Variants in SSB observed in about 807,000 individuals in gnomAD.
SSB encodes small RNA binding exonuclease protection factor La.
A neutral mutation model predicts 52.9 loss-of-function variants in SSB; 17 were observed. The observed-to-expected ratio is 0.32, with a 90% CI of 0.22 to 0.48. The LOEUF (loss-of-function observed/expected upper bound fraction) is 0.48, where lower values mean the gene tolerates loss of function less well. Among genes scored for constraint, SSB ranks in the 20% least tolerant of loss-of-function variants. The probability of loss-of-function intolerance (pLI) is 0.99; values close to 1 mark genes in which losing one functional copy is unlikely to be tolerated. For synonymous variants in SSB, 111 were observed against 152.1 expected (o/e 0.73, Z 1.99); for missense variants, 314 against 463.6 (o/e 0.68, Z 2.96).
chr2:169,806,642 C>G (rs1202546300), intron 4 of SSB, 143 bp from the exon 5 acceptor site: 2 of 632,926 alleles, frequency 3.2e-6, no homozygotes. Flanking sequence ...CTAAACAAGG[C>G]TGTTAAGTGA....
chr2:169,800,200 G>T (rs1689678579), intron 1 of SSB, among the ~76,000 whole-genome samples: 1 of 152,152 alleles, frequency 6.6e-6, no homozygotes, highest in Non-Finnish European at 1.5e-5. Flanking sequence ...GTCTAACTTG[G>T]TAACAAGGTT....
chr2:169,806,940 C>CATAAAATATATGGGACA (rs766140838), intron 5 of SSB, 31 bp from the exon 6 acceptor site: 2 of 1,609,652 alleles, frequency 1.2e-6, no homozygotes, highest in Non-Finnish European at 1.7e-6. Context: ...TGGGACATAA[C>CATAAAATATATGGGACA]TTAAAAAAAT....
Position 169,807,245 on chromosome 2 carries a change from G to GA in SSB, c.554+178dup, listed in dbSNP as rs1448710016. Among the ~76,000 whole-genome samples, 3 of 152,062 alleles carry GA rather than the reference G, an allele frequency of 2.0e-5. No individual in the cohort carries two copies. The East Asian group carries it at 5.8e-4, about 29-fold the overall frequency. ...GAACTATAGTCTTTTGAGACTATAA[G>GA]AAAAGTGTTCATTAGTACCTTTTCA... On this transcript the variant is annotated intron_variant, in intron 6 of 11. Coordinates refer to ENST00000260956, the MANE Select transcript of SSB (RefSeq NM_003142.5).
At position 169,805,930 on chromosome 2, in the gene SSB, A is replaced by G. The variant is rs1351191773; in HGVS notation, c.345+91A>G. On this transcript the variant is annotated intron_variant, in intron 4 of 11. Transcript: ENST00000260956. ...AGGGCTCAGGAATCACAGCCTCACT[A>G]ATTACTGTATGTCCTTTCGTAATAT... is the stretch of plus-strand genomic sequence containing the variant. The G allele has an allele frequency of 3.4e-6, 4 of 1,185,998 alleles. No individual in the cohort carries two copies. The Admixed American group carries it at 6.2e-5, about 18-fold the overall frequency. 73.5% of individuals were successfully genotyped at this position (1,185,998 alleles called of 1,614,324 possible).
intron 1 of SSB, 91 bp from the exon 2 acceptor site, chr2:169,800,861 A>C: frequency 1.1e-6 from 1 of 920,636 alleles, no homozygotes; most frequent in South Asian, 2.4e-5. Context: ...TTTTTTAAGA[A>C]AACGGGATAT....
chr2:169,811,186 G>A lies in SSB; in HGVS notation c.1001G>A (p.Arg334His), dbSNP rs761080670. The change falls in exon 11 of 12, where the codon CGT (arginine) becomes CAT (histidine). Residue 334 changes from arginine to histidine, a missense_variant. Coordinates refer to ENST00000260956, the MANE Select transcript of SSB (RefSeq NM_003142.5). ...GTGCTCAATTGTGTCTCTACAGGTC[G>A]TAGATTTAAAGGAAAAGGAAAGGGT... ...ESLNKWKSKGRRFKGKGKGNK... is the reference protein window; with the variant it reads ...ESLNKWKSKGHRFKGKGKGNK... 1.1e-5 allele frequency: 17 copies of A among 1,608,598 alleles called. No homozygotes were observed. The highest frequency in any genetic ancestry group is 2.2e-5 in the East Asian group (1 of 44,852).
rs1314794137 is a variant in SSB, at chr2:169,808,799, T to C, written c.627-61T>C. 13 of 1,330,632 alleles carry C rather than the reference T, an allele frequency of 9.8e-6. No homozygotes were observed. In the South Asian group the frequency reaches 1.6e-4, roughly 17 times the overall value. 82.4% of individuals were successfully genotyped at this position (1,330,632 alleles called of 1,614,324 possible). A position where few individuals can be genotyped will look rare whatever the true frequency, so the allele number is the denominator to read the frequency against. On this transcript the variant is annotated intron_variant, in intron 7 of 11. Coordinates refer to ENST00000260956, the MANE Select transcript of SSB (RefSeq NM_003142.5). ...AGTGATCATGATTGGTTAACTTTATTAGGACTTAATTTTCTTATATAGTAA... is the reference window on the plus strand; with the variant it reads ...AGTGATCATGATTGGTTAACTTTATCAGGACTTAATTTTCTTATATAGTAA...
intron 2 of SSB, among the ~76,000 whole-genome samples, chr2:169,802,869 G>A (rs1689739951): frequency 6.6e-6 from 1 of 152,066 alleles, no homozygotes; most frequent in Non-Finnish European, 1.5e-5. Flanking sequence ...GCATTTTTGT[G>A]GAGAAAAGTT....
rs1689817426 is a variant in SSB, at chr2:169,805,811, A to G, written c.317A>G (p.Asn106Ser). 3 of 1,613,654 alleles carry G rather than the reference A, an allele frequency of 1.9e-6. No homozygotes were observed. The highest frequency in any genetic ancestry group is 3.3e-5 in the Admixed American group (2 of 59,914). ...CCTGAAGTGACTGATGAGTATAAAA[A>G]TGATGTAAAAAACAGATCTGTTTAT... is the stretch of plus-strand genomic sequence containing the variant. Reference protein sequence around the residue: ...PLPEVTDEYKNDVKNRSVYIK... With the variant: ...PLPEVTDEYKSDVKNRSVYIK... The change falls in exon 4 of 12, where the codon AAT (asparagine) becomes AGT (serine). Residue 106 changes from asparagine to serine, a missense_variant. By Grantham distance (46) the Asn-to-Ser change is conservative. Transcript: ENST00000260956.
At position 169,805,369 on chromosome 2, in the gene SSB, G is replaced by A. The variant is rs1020089387; in HGVS notation, c.67-105G>A. ...ATTTGGGGAAAGTGTTTTGCCTTTT[G>A]TAACTTATGTATTTTTAAATAACAG... On this transcript the variant is annotated intron_variant, in intron 2 of 11. Coordinates refer to ENST00000260956, the MANE Select transcript of SSB (RefSeq NM_003142.5). 5.1e-6 allele frequency: 4 copies of A among 791,528 alleles called. No individual in the cohort carries two copies. The East Asian group carries it at 8.0e-5, about 16-fold the overall frequency. The allele number at this position is 791,528 out of a possible 1,614,324, so 49.0% of individuals were successfully genotyped here.
At position 169,811,857 on chromosome 2, in the gene SSB, A is replaced by G; in HGVS notation, c.*101A>G. On this transcript the variant is annotated 3_prime_UTR_variant, in exon 12 of 12. Coordinates refer to ENST00000260956, the MANE Select transcript of SSB (RefSeq NM_003142.5). ...CCGAATTAGGTCCACTTCAATGTCCACCTGTGAGAAAGGAAAAATTTTTTT... is the reference window on the plus strand; with the variant it reads ...CCGAATTAGGTCCACTTCAATGTCCGCCTGTGAGAAAGGAAAAATTTTTTT... The G allele has an allele frequency of 1.2e-6, 2 of 1,612,012 alleles. No homozygotes were observed. Among genetic ancestry groups the G allele is most frequent in the Non-Finnish European group, 1.7e-6 (2 of 1,179,470 alleles).
chr2:169,799,951 A>G (rs1234089538), intron 1 of SSB, among the ~76,000 whole-genome samples: 5 of 152,234 alleles, frequency 3.3e-5, no homozygotes, highest in Admixed American at 2.0e-4. Flanking sequence ...CTTTGTAAGT[A>G]GAAGACTTGG....
Position 169,810,873 on chromosome 2 carries a change from A to G in SSB, c.826A>G (p.Lys276Glu), listed in dbSNP as rs746301438. 5.0e-6 allele frequency: 8 copies of G among 1,606,918 alleles called. No homozygotes were observed. In the African/African-American group the frequency reaches 9.4e-5, roughly 19 times the overall value. The change falls in exon 10 of 12, where the codon AAA becomes GAA. Residue 276 changes from lysine to glutamate, a missense_variant. Physicochemically the swap from Lys to Glu is moderately conservative, Grantham distance 56. Transcript: ENST00000260956. The part of the protein sequence containing the change: ...RGAKEGIILF[K>E]EKAKEALGKA... ...TCTGGTATAGGGGATAATTCTATTT[A>G]AAGAAAAAGCCAAGGAAGCATTGGG...
intron 11 of SSB, 44 bp downstream of exon 11, chr2:169,811,367 C>T: frequency 6.7e-7 from 1 of 1,497,254 alleles, no homozygotes; most frequent in Non-Finnish European, 8.9e-7. Flanking sequence ...GAGAAAATTT[C>T]TACTTCCATA....
At position 169,811,025 on chromosome 2, in the gene SSB, A is replaced by G. The variant is rs779625970; in HGVS notation, c.978A>G (p.Leu326=). 4 of 1,610,724 alleles carry G rather than the reference A, an allele frequency of 2.5e-6. No homozygotes were observed. The highest frequency in any genetic ancestry group is 2.2e-5 in the South Asian group (2 of 89,802). Reference sequence around the variant, plus strand: ...TAATAGAAGACCAACAAGAATCCCTAAACAAATGGAAGTCAAAAGGTCATT... The same window carrying G: ...TAATAGAAGACCAACAAGAATCCCTGAACAAATGGAAGTCAAAAGGTCATT... ...KKIIEDQQES[L]NKWKSKGRRF... is the part of the protein sequence containing the mutation. The change falls in exon 10 of 12, where the codon CTA becomes CTG. Residue 326 remains leucine (L), a synonymous_variant. Coordinates refer to ENST00000260956, the MANE Select transcript of SSB (RefSeq NM_003142.5).
intron 8 of SSB, 187 bp from the exon 9 acceptor site, chr2:169,810,092 CTTTA>C (rs941941873): frequency 2.7e-5 from 9 of 336,556 alleles, no homozygotes; most frequent in Non-Finnish European, 4.2e-5. Flanking sequence ...TATGAAACTA[CTTTA>C]TTTATTTATT....
In SSB at chr2:169,805,662, C is replaced by T; in HGVS notation, c.171-3C>T. 2 of 1,613,700 alleles carry T rather than the reference C, an allele frequency of 1.2e-6. No individual in the cohort carries two copies. Among genetic ancestry groups the T allele is most frequent in the Non-Finnish European group, 1.7e-6 (2 of 1,179,870 alleles). Reference sequence around the variant, plus strand: ...GTCTTATGTTTTTATATGTACTCTTCAGGTTGAACCGTCTAACAACAGACT... The same window carrying T: ...GTCTTATGTTTTTATATGTACTCTTTAGGTTGAACCGTCTAACAACAGACT... On this transcript the variant is annotated splice_polypyrimidine_tract_variant and splice_region_variant and intron_variant, in intron 3 of 11. Transcript: ENST00000260956.
At position 169,801,037 on chromosome 2, in the gene SSB, T is replaced by C. The variant is rs1689701975; in HGVS notation, c.66+11T>C. On this transcript the variant is annotated intron_variant, in intron 2 of 11. Coordinates refer to ENST00000260956, the MANE Select transcript of SSB (RefSeq NM_003142.5). ...TGTCATCAAATTGAGGTATGATTCC[T>C]GTGCTATAAACTGCAAAAACAAGTT... The C allele has an allele frequency of 1.3e-6, 2 of 1,582,152 alleles. No individual in the cohort carries two copies. Among genetic ancestry groups the C allele is most frequent in the South Asian group, 1.2e-5 (1 of 85,122 alleles).
intron 2 of SSB, among the ~76,000 whole-genome samples, chr2:169,804,204 TC>T (rs1333977779): frequency 6.6e-6 from 1 of 151,366 alleles, no homozygotes; most frequent in Non-Finnish European, 1.5e-5. Context: ...TATTGAGAGT[TC>T]CTCTATGCTT....
Sources: gnomAD v4.1 joint callset for allele counts (sites outside exome capture counted in the v4.1 genomes callset) on GRCh38, gnomAD v4.1.1 for gene constraint, MANE v1.5 for transcripts, NCBI Gene and HGNC (gene_info 2026-07-23, HGNC 2026-07-21) for gene names.